Variants in HMGN5 observed in about 807,000 individuals in gnomAD.
HMGN5 encodes the protein high mobility group nucleosome binding domain 5.
Under a neutral mutation model 9.5 loss-of-function variants are expected in HMGN5, and 4 were observed. The ratio of observed to expected loss-of-function variants is 0.42; its 90% confidence interval spans 0.21 to 0.96. The LOEUF (loss-of-function observed/expected upper bound fraction) is 0.96. HMGN5 is among the 40% of genes least tolerant of loss of function. HMGN5 has a pLI of 0.30. For missense variants in HMGN5, 192 were observed against 187.5 expected (o/e 1.02, Z -0.14); for synonymous variants, 55 against 57.1 (o/e 0.96, Z 0.16).
At chrX:81,123,083 C>T (rs757987455) in intron 1 of HMGN5, among the ~76,000 whole-genome samples, 1 of 111,456 alleles carries the variant, frequency 9.0e-6, no homozygotes, top group East Asian at 2.8e-4. Context: ...TTGGAATAAT[C>T]AGTTTAAGAG....
At chrX:81,157,307 G>A (rs2075385568) in intron 1 of HMGN5, among the ~76,000 whole-genome samples, 3 of 111,900 alleles carry the variant, frequency 2.7e-5, no homozygotes, top group Middle Eastern at 4.6e-3. Context: ...CTGCAATAAG[G>A]TGTTTTCTGC....
intron 1 of HMGN5, among the ~76,000 whole-genome samples, chrX:81,126,993 C>A (rs937729932): frequency 9.0e-6 from 1 of 111,215 alleles, no homozygotes; most frequent in African/African-American, 3.3e-5. Flanking sequence ...ATGAAATAGA[C>A]TTTTAAAATC....
chrX:81,163,886 A>T (rs2075404018), intron 1 of HMGN5, among the ~76,000 whole-genome samples: 1 of 111,630 alleles, frequency 9.0e-6, no homozygotes, highest in African/African-American at 3.3e-5. Context: ...GATCTGAGAC[A>T]GGTTATTTAT....
intron 1 of HMGN5, among the ~76,000 whole-genome samples, chrX:81,122,435 A>G (rs1367828514): frequency 8.9e-6 from 1 of 111,878 alleles, no homozygotes; most frequent in Non-Finnish European, 1.9e-5. Context: ...GCTATCCACG[A>G]AAGTGTTTAG....
At chrX:81,143,970 C>A (rs936006106) in intron 1 of HMGN5, among the ~76,000 whole-genome samples, 1 of 111,848 alleles carries the variant, frequency 8.9e-6, no homozygotes, top group Non-Finnish European at 1.9e-5. Context: ...CTTGGCAGGT[C>A]ATCTCTGAAA....
chrX:81,164,758 AG>A (rs1274209336), intron 1 of HMGN5, among the ~76,000 whole-genome samples: 2 of 111,217 alleles, frequency 1.8e-5, no homozygotes, highest in Non-Finnish European at 3.8e-5. Flanking sequence ...GGGGATTGAG[AG>A]TTTCAGGGGT....
chrX:81,116,435 T>C, intron 5 of HMGN5, 94 bp from the exon 6 acceptor site: 1 of 582,041 alleles, frequency 1.7e-6, no homozygotes. Context: ...GTTGTAATAA[T>C]TTATGCAAAC....
At chrX:81,121,480 T>C in intron 2 of HMGN5, 55 bp downstream of exon 2, 1 of 1,123,639 alleles carries the variant, frequency 8.9e-7, no homozygotes, top group Non-Finnish European at 1.2e-6. Context: ...TTCTTCCTAT[T>C]AGGAAATAGG....
chrX:81,152,070 G>A lies in HMGN5; in HGVS notation c.-123-30398C>T, dbSNP rs1276182918. On this transcript the variant is annotated intron_variant, in intron 1 of 6. Coordinates refer to ENST00000358130, the MANE Select transcript of HMGN5 (RefSeq NM_030763.3). ...AAGAAAACCTAGGCATTACCATTCA[G>A]GACATAGGCATGGGCAAGGACTTCA... 1.1e-4 allele frequency among the ~76,000 whole-genome samples: 12 copies of A among 111,670 alleles called. No homozygotes were observed. The South Asian group carries it at 4.5e-3, about 42-fold the overall frequency.
chrX:81,179,203 G>T (rs766153184), intron 1 of HMGN5, among the ~76,000 whole-genome samples: 4 of 111,602 alleles, frequency 3.6e-5, no homozygotes, highest in African/African-American at 1.3e-4. Flanking sequence ...TCTGGACAGG[G>T]CAATCAGGCA....
chrX:81,150,169 A>T (rs2075356776), intron 1 of HMGN5, among the ~76,000 whole-genome samples: 1 of 112,478 alleles, frequency 8.9e-6, no homozygotes, highest in Non-Finnish European at 1.9e-5. Context: ...TCACAAAACA[A>T]GTTTTAAAAC....
Position 81,115,242 on chromosome X carries a change from G to T in HMGN5, c.268-12C>A. Reference sequence around the variant, plus strand: ...TCAGAAGCTGGTGCCTGTAAGTATAGTGAAAAGAAAAACAAGATTCTGTCT... The same window carrying T: ...TCAGAAGCTGGTGCCTGTAAGTATATTGAAAAGAAAAACAAGATTCTGTCT... On this transcript the variant is annotated splice_polypyrimidine_tract_variant and intron_variant, in intron 6 of 6. Transcript: ENST00000358130. 1 of 1,134,339 alleles carries T rather than the reference G, an allele frequency of 8.8e-7. No individual in the cohort carries two copies. 93.5% of individuals were successfully genotyped at this position (1,134,339 alleles called of 1,213,427 possible).
At chrX:81,169,507 G>A (rs763232232) in intron 1 of HMGN5, among the ~76,000 whole-genome samples, 14 of 110,263 alleles carry the variant, frequency 1.3e-4, no homozygotes, top group African/African-American at 3.9e-4. Context: ...GCTACCTAAC[G>A]GGCCAAATAA....
intron 1 of HMGN5, among the ~76,000 whole-genome samples, chrX:81,188,417 T>C (rs1001187598): frequency 9.1e-6 from 1 of 109,632 alleles, no homozygotes; most frequent in Non-Finnish European, 1.9e-5. Flanking sequence ...GCGTGAGCCA[T>C]TGTGCCCAGC....
At chrX:81,147,511 C>A (rs916557186) in intron 1 of HMGN5, among the ~76,000 whole-genome samples, 2 of 111,304 alleles carry the variant, frequency 1.8e-5, no homozygotes, top group Non-Finnish European at 3.8e-5. Context: ...TATGACAAAC[C>A]CACAGCCAAT....
intron 1 of HMGN5, among the ~76,000 whole-genome samples, chrX:81,139,764 C>T (rs1207561639): frequency 8.9e-6 from 1 of 112,009 alleles, no homozygotes; most frequent in Non-Finnish European, 1.9e-5. Flanking sequence ...GAACCAAACT[C>T]AGCTGATGCC....
At chrX:81,198,632 G>A (rs1048015277) in intron 1 of HMGN5, among the ~76,000 whole-genome samples, 1 of 111,647 alleles carries the variant, frequency 9.0e-6, no homozygotes, top group African/African-American at 3.3e-5. Context: ...AAAACCACAC[G>A]ATTATCTCAA....
At chrX:81,132,750 C>T (rs1261188086) in intron 1 of HMGN5, among the ~76,000 whole-genome samples, 1 of 111,212 alleles carries the variant, frequency 9.0e-6, no homozygotes, top group African/African-American at 3.3e-5. Context: ...CCCTAAAAGA[C>T]AACATAGGCA....
intron 1 of HMGN5, among the ~76,000 whole-genome samples, chrX:81,148,943 A>G (rs1373726551): frequency 3.6e-5 from 4 of 111,996 alleles, no homozygotes; most frequent in Non-Finnish European, 7.5e-5. Flanking sequence ...ATTTCATGCC[A>G]GTTAGAATGA....
Sources: gnomAD v4.1 joint callset for allele counts (sites outside exome capture counted in the v4.1 genomes callset) on GRCh38, gnomAD v4.1.1 for gene constraint, MANE v1.5 for transcripts, NCBI Gene and HGNC (gene_info 2026-07-23, HGNC 2026-07-21) for gene names.